TRAPPC10: variants seen among roughly 807,000 people sequenced by gnomAD.
TRAPPC10 encodes the protein trafficking protein particle complex subunit 10, also known as TRAPP 130 kDa subunit.
A neutral mutation model predicts 125.5 loss-of-function variants in TRAPPC10; 23 were observed. The ratio of observed to expected loss-of-function variants is 0.18; its 90% CI spans 0.13 to 0.26. The LOEUF (loss-of-function observed/expected upper bound fraction) is 0.26, where lower values mean the gene tolerates loss of function less well. Among genes scored for constraint, TRAPPC10 ranks in the 10% least tolerant of loss-of-function variants. The probability of loss-of-function intolerance (pLI) is 1.00; values close to 1 mark genes in which losing one functional copy is unlikely to be tolerated. For missense variants in TRAPPC10, 1,123 were observed against 1,308.4 expected, an observed-to-expected ratio of 0.86 and a Z score of 2.19; for synonymous variants, 509 against 518.0, an observed-to-expected ratio of 0.98 and a Z score of 0.24.
chr21:44,084,118 C>G lies in TRAPPC10; in HGVS notation c.2239-4C>G. 6.2e-7 allele frequency: 1 copy of G among 1,613,698 alleles called. No individual in the cohort carries two copies. Among genetic ancestry groups the G allele is most frequent in the Non-Finnish European group, 8.5e-7 (1 of 1,179,926 alleles). On this transcript the variant is annotated splice_polypyrimidine_tract_variant and splice_region_variant and intron_variant, in intron 14 of 22. Coordinates refer to ENST00000291574, the MANE Select transcript of TRAPPC10 (RefSeq NM_003274.5). ...GTTTCAAATGCCTGATTCTTTGACTCTAGGCCAAGGAACCTGGAACGTATA... is the reference window on the plus strand; with the variant it reads ...GTTTCAAATGCCTGATTCTTTGACTGTAGGCCAAGGAACCTGGAACGTATA...
chr21:44,091,147 T>C (rs941971814), intron 18 of TRAPPC10, among the ~76,000 whole-genome samples: 65 of 152,300 alleles, frequency 4.3e-4, no homozygotes, highest in Non-Finnish European at 8.2e-4. Context: ...GCTGAGATCG[T>C]GCCATTGCAC....
rs2037574197 is a variant in TRAPPC10 at position 44,080,002 on chromosome 21, C to T, written c.1611-13C>T. The T allele has an allele frequency of 1.2e-6, 2 of 1,611,862 alleles. No homozygotes were observed. The highest frequency in any genetic ancestry group is 8.5e-7 in the Non-Finnish European group (1 of 1,178,132). ...GTATGAGCCTCTCCACGCTCCTTAC[C>T]TCTCCGCTCCAGCTACCTGCAGACC... On this transcript the variant is annotated splice_polypyrimidine_tract_variant and intron_variant, in intron 12 of 22. Transcript: ENST00000291574.
At chr21:44,080,534 C>T (rs1454712433) in intron 13 of TRAPPC10, among the ~76,000 whole-genome samples, 2 of 141,696 alleles carry the variant, frequency 1.4e-5, no homozygotes, top group Non-Finnish European at 3.0e-5. Flanking sequence ...ATCTCTTTTT[C>T]TTCTTCTTCT....
In TRAPPC10 at chr21:44,059,785, C is replaced by G. The variant is rs1449356084; in HGVS notation, c.790+571C>G. On this transcript the variant is annotated intron_variant, in intron 6 of 22. Transcript: ENST00000291574. The surrounding 1 kb of genome is among the most constrained non-coding windows in gnomAD (Gnocchi z 4.4). ...GTGATACCACGTTATATAGCTGTTT[C>G]TCTGTCGCTCCTTTTTGTTACTCAC... 3 of 385,660 alleles carry G rather than the reference C, an allele frequency of 7.8e-6. No homozygotes were observed. The highest frequency in any genetic ancestry group is 1.4e-5 in the Non-Finnish European group (3 of 217,108). The allele number at this position is 385,660 out of a possible 1,614,324, so 23.9% of individuals were successfully genotyped here.
rs1203436183 is a variant in TRAPPC10 at position 44,086,912 on chromosome 21, A to T, written c.2491A>T (p.Ile831Phe). The T allele has an allele frequency of 1.2e-6, 2 of 1,614,108 alleles. No homozygotes were observed. Among genetic ancestry groups the T allele is most frequent in the Admixed American group, 1.7e-5 (1 of 60,014 alleles). The change falls in exon 16 of 23, where the codon ATC becomes TTC. Residue 831 changes from isoleucine (I) to phenylalanine (F), a missense_variant. Physicochemically the swap from Ile to Phe is conservative, Grantham distance 21. Around this residue, in one of 4 missense-constraint regions of TRAPPC10, gnomAD observed 840 missense variants for 902.0 expected, o/e 0.93. Transcript: ENST00000291574. The part of the protein sequence containing the change: ...LQLSNAEAML[I>F]LCQAESRAVV... ...GCTTAGCAATGCCGAAGCCATGCTC[A>T]TCCTGTGCCAGGCGGAGAGCAGGGC...
rs956932426 is a variant in TRAPPC10 at position 44,063,909 on chromosome 21, T to C, written c.1038+124T>C. On this transcript the variant is annotated intron_variant, in intron 7 of 22. Coordinates refer to ENST00000291574, the MANE Select transcript of TRAPPC10 (RefSeq NM_003274.5). The surrounding 1 kb of genome is among the most constrained non-coding windows in gnomAD (Gnocchi z 4.4). ...AAGGGTTTTCTTTTCTGAATGCCTT[T>C]AATTTTCAGTATATTGTTTGCTTAG... 1.5e-6 allele frequency: 2 copies of C among 1,299,156 alleles called. No individual in the cohort carries two copies. Among genetic ancestry groups the C allele is most frequent in the African/African-American group, 3.0e-5 (2 of 67,778 alleles). 80.5% of individuals were successfully genotyped at this position (1,299,156 alleles called of 1,614,324 possible). A position where few individuals can be genotyped will look rare whatever the true frequency, so the allele number is the denominator to read the frequency against.
chr21:44,059,765 A>G lies in TRAPPC10; in HGVS notation c.790+551A>G, dbSNP rs79915668. The G allele has an allele frequency of 1.1e-4, 51 of 448,562 alleles. No individual in the cohort carries two copies. In the East Asian group the frequency reaches 1.7e-3, roughly 15 times the overall value. The allele number at this position is 448,562 out of a possible 1,614,324, so 27.8% of individuals were successfully genotyped here. On this transcript the variant is annotated intron_variant, in intron 6 of 22. Transcript: ENST00000291574. This position sits in a 1 kb window ranked among gnomAD's most constrained non-coding sequence, Gnocchi z 4.4. ...TGATACTTATTTTGATGAAAGTGAT[A>G]CCACGTTATATAGCTGTTTCTCTGT...
chr21:44,085,506 A>AAAACCC (rs1192235656), intron 15 of TRAPPC10, among the ~76,000 whole-genome samples: 1 of 152,184 alleles, frequency 6.6e-6, no homozygotes, highest in Non-Finnish European at 1.5e-5. Context: ...GCAGGATGAC[A>AAAACCC]AAACCCCATC....
intron 6 of TRAPPC10, chr21:44,060,159 A>T (rs916523157): frequency 3.9e-5 from 6 of 152,240 alleles, no homozygotes; most frequent in African/African-American, 1.4e-4. Context: ...TCTGAAGATC[A>T]GGTCTGGATA....
chr21:44,034,402 C>T (rs2033833842), intron 2 of TRAPPC10, among the ~76,000 whole-genome samples: 1 of 149,558 alleles, frequency 6.7e-6, no homozygotes, highest in African/African-American at 2.5e-5. Context: ...AGCTCCAGAC[C>T]CTCGGATCTG....
rs770819077 is a variant in TRAPPC10, at chr21:44,084,202, C to T, written c.2319C>T (p.Tyr773=). 4 of 1,614,068 alleles carry T rather than the reference C, an allele frequency of 2.5e-6. No homozygotes were observed. The highest frequency in any genetic ancestry group is 1.3e-5 in the African/African-American group (1 of 74,938). ...GSVWFVLPHI[Y]PIVQYDVYSQ... is the part of the protein sequence containing the mutation. ...TGTGGTTCGTCCTCCCTCACATCTACCCCATTGTGCAGTACGACGTGTACT... is the reference window on the plus strand; with the variant it reads ...TGTGGTTCGTCCTCCCTCACATCTATCCCATTGTGCAGTACGACGTGTACT... Residue 773 remains tyrosine (Y), a synonymous_variant, in exon 15 of 23, where the codon TAC becomes TAT. Coordinates refer to ENST00000291574, the MANE Select transcript of TRAPPC10 (RefSeq NM_003274.5).
intron 5 of TRAPPC10, among the ~76,000 whole-genome samples, chr21:44,058,692 T>G (rs1182457629): frequency 6.6e-6 from 1 of 150,894 alleles, no homozygotes; most frequent in South Asian, 2.1e-4. Flanking sequence ...GAGGGAATAG[T>G]GAGTGTAGAC....
intron 1 of TRAPPC10, among the ~76,000 whole-genome samples, chr21:44,023,974 CAG>C (rs2032816878): frequency 6.6e-6 from 1 of 152,138 alleles, no homozygotes; most frequent in African/African-American, 2.4e-5. Context: ...TTAGTAGAGA[CAG>C]GGTTTCACCG....
chr21:44,026,121 T>G (rs2147211999), intron 1 of TRAPPC10, among the ~76,000 whole-genome samples: 1 of 152,180 alleles, frequency 6.6e-6, no homozygotes, highest in South Asian at 2.1e-4. Context: ...CTAGTCATCT[T>G]AGGGGGTGAC....
chr21:44,065,125 C>A (rs899376379), intron 7 of TRAPPC10, among the ~76,000 whole-genome samples: 2 of 152,116 alleles, frequency 1.3e-5, no homozygotes, highest in African/African-American at 2.4e-5. Flanking sequence ...GTATTCAAGT[C>A]CAAATGATTC....
At chr21:44,081,850 G>A (rs1315680781) in intron 13 of TRAPPC10, among the ~76,000 whole-genome samples, 1 of 152,178 alleles carries the variant, frequency 6.6e-6, no homozygotes, top group Admixed American at 6.5e-5. Context: ...CTATACTATA[G>A]CCTGGGCGAC....
rs371225447 is a variant in TRAPPC10, at chr21:44,067,683, C to T, written c.1038+3898C>T. Among the ~76,000 whole-genome samples the T allele has an allele frequency of 3.9e-5, 6 of 152,220 alleles. No homozygotes were observed. In the South Asian group the frequency reaches 6.2e-4, roughly 16 times the overall value. On this transcript the variant is annotated intron_variant, in intron 7 of 22. Coordinates refer to ENST00000291574, the MANE Select transcript of TRAPPC10 (RefSeq NM_003274.5). Reference sequence around the variant, plus strand: ...CATCAGCACAGTGTCCAAGTAGTGACGAAGTGTTGTCTGCACACAGGGGAC... The same window carrying T: ...CATCAGCACAGTGTCCAAGTAGTGATGAAGTGTTGTCTGCACACAGGGGAC...
intron 3 of TRAPPC10, among the ~76,000 whole-genome samples, chr21:44,041,313 G>C (rs1377005462): frequency 6.6e-6 from 1 of 151,658 alleles, no homozygotes; most frequent in Non-Finnish European, 1.5e-5. Context: ...ACATTTTCTT[G>C]GAAATTACGT....
intron 1 of TRAPPC10, among the ~76,000 whole-genome samples, chr21:44,018,691 CAAAAAAAA>C (rs542366792): frequency 5.6e-5 from 4 of 71,872 alleles, no homozygotes; most frequent in Non-Finnish European, 1.2e-4. Flanking sequence ...GACTCCGTCT[CAAAAAAAA>C]AAAAAAAAAA....
Sources: allele counts gnomAD v4.1 joint callset (sites outside exome capture counted in the v4.1 genomes callset), GRCh38; gene constraint gnomAD v4.1.1; regional missense constraint gnomAD v4.1.1; non-coding constraint Gnocchi (gnomAD v3.1); transcripts MANE v1.5; gene names NCBI Gene and HGNC (gene_info 2026-07-23, HGNC 2026-07-21).